POTEB3: variants seen among roughly 807,000 people sequenced by gnomAD.
The protein encoded by POTEB3 is POTE ankyrin domain family member B3.
In POTEB3, 5 loss-of-function variants were observed where a neutral mutation model predicts 39.8. The observed-to-expected ratio is 0.13, with a 90% CI of 0.07 to 0.26. The LOEUF (loss-of-function observed/expected upper bound fraction) is 0.26, where lower values mean the gene tolerates loss of function less well. Ranked by LOEUF, POTEB3 falls within the 10% of genes least tolerant of loss-of-function variation. POTEB3 has a pLI of 1.00. For missense variants in POTEB3, 24 were observed against 475.6 expected (o/e 0.05, Z 8.83); for synonymous variants, 5 against 161.5 (o/e 0.03, Z 7.35).
At chr15:21,410,773 A>ACT in intron 10 of POTEB3, 105 bp downstream of exon 10, 1 of 709,296 alleles carries the variant, frequency 1.4e-6, no homozygotes, top group Non-Finnish European at 1.9e-6. Context: ...ACACACACAC[A>ACT]CGTGTGTATA....
intron 4 of POTEB3, among the ~76,000 whole-genome samples, chr15:21,430,833 G>T (rs1898932317): frequency 6.6e-6 from 1 of 151,750 alleles, no homozygotes. Context: ...ATAATGGTAA[G>T]AATAGTAGTC....
chr15:21,424,921 G>A (rs1595361524), intron 6 of POTEB3: 2 of 146,010 alleles, frequency 1.4e-5, no homozygotes, highest in East Asian at 4.0e-4. Flanking sequence ...TTACAAAAAA[G>A]CCTTCCAACT....
Position 21,405,832 on chromosome 15 carries a change from T to C in POTEB3, c.*3151A>G, listed in dbSNP as rs1357592064. ...CTTTTCTGGCTTGTACAGTTTCAGT[T>C]GAGAGGTCTGCTAAGTCTGATGGAA... On this transcript the variant is annotated 3_prime_UTR_variant, in exon 11 of 11. Transcript: ENST00000611217. 2.4e-5 allele frequency among the ~76,000 whole-genome samples: 2 copies of C among 83,234 alleles called. 1 individual carries two copies. The highest frequency in any genetic ancestry group is 4.3e-5 in the Non-Finnish European group (2 of 46,786). The allele number at this position is 83,234 out of a possible 152,430, so 54.6% of individuals were successfully genotyped here.
chr15:21,407,516 G>T lies in POTEB3; in HGVS notation c.*1467C>A, dbSNP rs1450424479. Among the ~76,000 whole-genome samples, 62 of 84,646 alleles carry T rather than the reference G, an allele frequency of 7.3e-4. 1 individual carries two copies. Among genetic ancestry groups the T allele is most frequent in the Non-Finnish European group, 6.1e-4 (29 of 47,514 alleles). The allele number at this position is 84,646 out of a possible 152,430, so 55.5% of individuals were successfully genotyped here. ...GGTACGTGGCTGTAGAGGTCACCTTGCTGCAGCTCTCCACTGATCAGCCAC... is the reference window on the plus strand; with the variant it reads ...GGTACGTGGCTGTAGAGGTCACCTTTCTGCAGCTCTCCACTGATCAGCCAC... On this transcript the variant is annotated 3_prime_UTR_variant, in exon 11 of 11. Coordinates refer to ENST00000611217, the MANE Select transcript of POTEB3 (RefSeq NM_207355.5).
chr15:21,419,916 C>A (rs1434253087), intron 8 of POTEB3, among the ~76,000 whole-genome samples: 1 of 130,258 alleles, frequency 7.7e-6, no homozygotes, highest in Non-Finnish European at 1.6e-5. Flanking sequence ...TCATTTTGTG[C>A]TTTTATTCCC....
intron 6 of POTEB3, among the ~76,000 whole-genome samples, chr15:21,422,706 C>T (rs1187373729): frequency 1.3e-5 from 2 of 150,450 alleles, no homozygotes; most frequent in East Asian, 1.9e-4. Context: ...CTCCCCTCCC[C>T]CTCAGCATTT....
chr15:21,423,352 C>G (rs1266828469), intron 6 of POTEB3, among the ~76,000 whole-genome samples: 1 of 85,362 alleles, frequency 1.2e-5, no homozygotes, highest in Non-Finnish European at 2.5e-5. Context: ...CTGCTCCAGC[C>G]TCCCAAAATG....
Position 21,419,911 on chromosome 15 carries a change from T to C in POTEB3, c.1243-281A>G, listed in dbSNP as rs1193486680. Among the ~76,000 whole-genome samples the C allele has an allele frequency of 1.0e-3, 134 of 132,208 alleles. 1 individual carries two copies. Among genetic ancestry groups the C allele is most frequent in the Middle Eastern group, 4.3e-3 (1 of 234 alleles). 86.7% of individuals were successfully genotyped at this position (132,208 alleles called of 152,430 possible). On this transcript the variant is annotated intron_variant, in intron 8 of 10. Transcript: ENST00000611217. ...AATTCAAAAAGGGCCCTCCTTCATT[T>C]TGTGCTTTTATTCCCAAAAACTCTT...
intron 6 of POTEB3, among the ~76,000 whole-genome samples, chr15:21,423,187 G>GACTC (rs1898578091): frequency 7.5e-6 from 1 of 133,178 alleles, no homozygotes; most frequent in African/African-American, 2.8e-5. Flanking sequence ...TGCAACCTCT[G>GACTC]ACTCCCTGGT....
chr15:21,410,101 A>C (rs1207236604), intron 10 of POTEB3, among the ~76,000 whole-genome samples: 2 of 95,782 alleles, frequency 2.1e-5, no homozygotes, highest in Non-Finnish European at 3.9e-5. Context: ...AAATATATAA[A>C]TACAAAAGAA....
At chr15:21,417,580 AATT>A (rs1346701526) in intron 9 of POTEB3, among the ~76,000 whole-genome samples, 4 of 76,184 alleles carry the variant, frequency 5.3e-5, no homozygotes, top group African/African-American at 4.3e-4. Flanking sequence ...TACATAAGCC[AATT>A]ATCATTTTGT....
chr15:21,414,308 A>G (rs1426461692), intron 9 of POTEB3, among the ~76,000 whole-genome samples: 1 of 120,736 alleles, frequency 8.3e-6, no homozygotes, highest in East Asian at 2.1e-4. Flanking sequence ...ATACAGAGAA[A>G]TATGTATTTT....
At chr15:21,410,047 C>T (rs1424937549) in intron 10 of POTEB3, among the ~76,000 whole-genome samples, 1 of 97,738 alleles carries the variant, frequency 1.0e-5, no homozygotes, top group East Asian at 2.7e-4. Flanking sequence ...TCTTCTGATG[C>T]TACTGCTAGT....
intron 5 of POTEB3, chr15:21,428,758 CATGACT>C (rs1471807346): frequency 1.5e-5 from 2 of 136,748 alleles, no homozygotes; most frequent in Admixed American, 7.3e-5. Context: ...GACCATCTTC[CATGACT>C]ATTTTTGCAG....
intron 3 of POTEB3, among the ~76,000 whole-genome samples, chr15:21,433,941 C>T (rs1899079736): frequency 1.3e-5 from 2 of 150,170 alleles, no homozygotes; most frequent in Admixed American, 6.6e-5. Flanking sequence ...CACTAACTCC[C>T]TCTCCCAAAC....
chr15:21,424,885 C>A (rs1464221339), intron 6 of POTEB3: 1 of 146,284 alleles, frequency 6.8e-6, no homozygotes, highest in East Asian at 2.0e-4. Context: ...CCACTGAGAA[C>A]ATAAACATTT....
intron 9 of POTEB3, among the ~76,000 whole-genome samples, chr15:21,417,850 C>T (rs59915809): frequency 1.2e-4 from 13 of 107,596 alleles, no homozygotes; most frequent in African/African-American, 7.7e-4. Context: ...CAAAATATAT[C>T]CTTTTCTCAA....
At chr15:21,424,581 A>AT (rs1898603572) in intron 6 of POTEB3, among the ~76,000 whole-genome samples, 1 of 140,942 alleles carries the variant, frequency 7.1e-6, no homozygotes. Flanking sequence ...GCAGAAAATG[A>AT]TTTTTTAGAA....
chr15:21,413,538 A>ATATAT (rs1555369170), intron 9 of POTEB3, among the ~76,000 whole-genome samples: 7 of 25,650 alleles, frequency 2.7e-4, no homozygotes, highest in East Asian at 1.3e-3. Context: ...ATATATATAT[A>ATATAT]TATATATATA....
Sources: allele counts gnomAD v4.1 joint callset (sites outside exome capture counted in the v4.1 genomes callset), GRCh38; gene constraint gnomAD v4.1.1; transcripts MANE v1.5; gene names NCBI Gene and HGNC (gene_info 2026-07-23, HGNC 2026-07-21).